The following HCFC2 variants were observed in gnomAD, a reference collection of about 807,000 sequenced individuals.
HCFC2 encodes host cell factor C2.
HCFC2 carries 18 observed loss-of-function variants against 89.2 expected under a neutral mutation model. That is an observed-to-expected ratio of 0.20 (90% CI 0.14 to 0.30). The LOEUF is 0.30. Among genes scored for constraint, HCFC2 ranks in the 10% least tolerant of loss-of-function variants. The pLI is 1.00. For missense variants in HCFC2, 578 were observed against 956.1 expected, an observed-to-expected ratio of 0.60 and a Z score of 5.21; for synonymous variants, 308 against 335.7, an observed-to-expected ratio of 0.92 and a Z score of 0.90.
intron 3 of HCFC2, among the ~76,000 whole-genome samples, chr12:104,078,123 C>G (rs929686178): frequency 2.0e-5 from 3 of 152,020 alleles, no homozygotes; most frequent in African/African-American, 7.3e-5. Context: ...CTCAGCCTCC[C>G]GAGTAGCTGG....
At chr12:104,090,889 G>A (rs1259006802) in intron 9 of HCFC2, 2 of 152,070 alleles carry the variant, frequency 1.3e-5, no homozygotes, top group Non-Finnish European at 2.9e-5. Flanking sequence ...ATGTGGGTGT[G>A]GCTTGTTGCT....
Position 104,086,841 on chromosome 12 carries a change from C to G in HCFC2, c.1064-6C>G, listed in dbSNP as rs1043170538. ...TTAAATGTATAATATCATGATTGTTCTATAGAGAAACCACCGGCACCATCT... is the reference window on the plus strand; with the variant it reads ...TTAAATGTATAATATCATGATTGTTGTATAGAGAAACCACCGGCACCATCT... On this transcript the variant is annotated splice_region_variant and splice_polypyrimidine_tract_variant and intron_variant, in intron 7 of 14. Transcript: ENST00000229330. The G allele has an allele frequency of 6.2e-7, 1 of 1,612,380 alleles. No individual in the cohort carries two copies. Among genetic ancestry groups the G allele is most frequent in the Non-Finnish European group, 8.5e-7 (1 of 1,178,942 alleles).
intron 13 of HCFC2, among the ~76,000 whole-genome samples, chr12:104,099,547 A>T (rs1165595463): frequency 6.6e-6 from 1 of 152,104 alleles, no homozygotes; most frequent in East Asian, 1.9e-4. Flanking sequence ...ACTGCAGTGC[A>T]GTATGATAGC....
At chr12:104,082,398 G>C (rs527317299) in intron 5 of HCFC2, 102 bp from the exon 6 acceptor site, 32 of 703,720 alleles carry the variant, frequency 4.5e-5, no homozygotes, top group Non-Finnish European at 8.1e-5. Context: ...TAGTTCTGAA[G>C]CTCTGAGTCA....
chr12:104,065,203 CA>C (rs1883049812), intron 1 of HCFC2: 1 of 152,536 alleles, frequency 6.6e-6, no homozygotes, highest in Non-Finnish European at 1.5e-5. Context: ...GCCTCAAATA[CA>C]ACCCGGTGTT....
At position 104,095,385 on chromosome 12, in the gene HCFC2, T is replaced by C. The variant is rs1223314556; in HGVS notation, c.1488T>C (p.Gly496=). Residue 496 remains glycine, a synonymous_variant, in exon 11 of 15, where the codon GGT becomes GGC. Coordinates refer to ENST00000229330, the MANE Select transcript of HCFC2 (RefSeq NM_013320.3). This position sits in a 1 kb window ranked among gnomAD's most constrained non-coding sequence, Gnocchi z 4.2. Reference sequence around the variant, plus strand: ...GTCCTCACACTTCAGCAAATGTAGGTGTTCTAAGTAGTTGCCTGGATGTAA... The same window carrying C: ...GTCCTCACACTTCAGCAAATGTAGGCGTTCTAAGTAGTTGCCTGGATGTAA... ...NEGPHTSANV[G]VLSSCLDVRT... The C allele has an allele frequency of 1.2e-6, 2 of 1,613,316 alleles. No individual in the cohort carries two copies. The highest frequency in any genetic ancestry group is 1.3e-5 in the African/African-American group (1 of 74,894).
chr12:104,092,733 C>G (rs1004353405), intron 9 of HCFC2, among the ~76,000 whole-genome samples: 1 of 152,114 alleles, frequency 6.6e-6, no homozygotes, highest in Non-Finnish European at 1.5e-5. Flanking sequence ...GAGATCACAC[C>G]ATTGTACTCC....
At chr12:104,092,061 G>A (rs1284438730) in intron 9 of HCFC2, among the ~76,000 whole-genome samples, 1 of 152,166 alleles carries the variant, frequency 6.6e-6, no homozygotes, top group Non-Finnish European at 1.5e-5. Flanking sequence ...CAGGTAATTA[G>A]AAAGAACAAC....
At chr12:104,081,996 A>G (rs2136609757) in intron 5 of HCFC2, among the ~76,000 whole-genome samples, 1 of 152,190 alleles carries the variant, frequency 6.6e-6, no homozygotes, top group East Asian at 1.9e-4. Flanking sequence ...TTTCTGCCTA[A>G]TGAGCCTTTC....
chr12:104,064,868 C>A lies in HCFC2; in HGVS notation c.163+145C>A. On this transcript the variant is annotated intron_variant, in intron 1 of 14. Transcript: ENST00000229330. The surrounding 1 kb of genome is among the most constrained non-coding windows in gnomAD (Gnocchi z 7.3). ...CGGCGGGGAGCGCGGCTCAGCCGGGCAGCCCGGGTCCGGCAGCTCTGTCCC... is the reference window on the plus strand; with the variant it reads ...CGGCGGGGAGCGCGGCTCAGCCGGGAAGCCCGGGTCCGGCAGCTCTGTCCC... 2 of 669,636 alleles carry A rather than the reference C, an allele frequency of 3.0e-6. No individual in the cohort carries two copies. The highest frequency in any genetic ancestry group is 3.5e-5 in the East Asian group (1 of 28,222). The allele number at this position is 669,636 out of a possible 1,614,324, so 41.5% of individuals were successfully genotyped here.
chr12:104,089,922 TC>T (rs1336359247), intron 9 of HCFC2, among the ~76,000 whole-genome samples: 1 of 152,134 alleles, frequency 6.6e-6, no homozygotes, highest in Non-Finnish European at 1.5e-5. Flanking sequence ...GTTTCTTTTT[TC>T]CCCCCTTGGA....
rs544691109 is a variant in HCFC2 at position 104,076,084 on chromosome 12, C to T, written c.474-3361C>T. 2.6e-4 allele frequency among the ~76,000 whole-genome samples: 40 copies of T among 152,306 alleles called. No individual in the cohort carries two copies. The Middle Eastern group carries it at 0.014, about 52-fold the overall frequency. ...CAATTTTTGTGATTCCATAGGTGCT[C>T]ATTAAGACCATGAGTTCTTGACTGT... On this transcript the variant is annotated intron_variant, in intron 3 of 14. Transcript: ENST00000229330.
At chr12:104,098,527 A>C in intron 13 of HCFC2, 47 bp downstream of exon 13, 1 of 1,512,312 alleles carries the variant, frequency 6.6e-7, no homozygotes, top group Non-Finnish European at 8.9e-7. Flanking sequence ...AGCCTCAAGG[A>C]TGAGATTTTT....
intron 12 of HCFC2, chr12:104,097,742 G>T: frequency 1.9e-6 from 1 of 538,408 alleles, no homozygotes; most frequent in Non-Finnish European, 2.4e-6. Flanking sequence ...GTAGCTTAAG[G>T]TAGAGGAAGT....
intron 13 of HCFC2, among the ~76,000 whole-genome samples, chr12:104,100,111 A>G (rs948656693): frequency 3.3e-5 from 5 of 152,170 alleles, no homozygotes; most frequent in Non-Finnish European, 5.9e-5. Context: ...TTTTACAATT[A>G]AAAGAAATCT....
chr12:104,077,878 G>A (rs1044144184), intron 3 of HCFC2, among the ~76,000 whole-genome samples: 13 of 151,840 alleles, frequency 8.6e-5, no homozygotes, highest in African/African-American at 2.9e-4. Context: ...TAACTTTGTA[G>A]TAAGTTCTTC....
At chr12:104,066,027 C>A in intron 1 of HCFC2, 140 bp from the exon 2 acceptor site, 1 of 788,008 alleles carries the variant, frequency 1.3e-6, no homozygotes, top group Non-Finnish European at 2.1e-6. Context: ...CTAAAAATGT[C>A]ACCAGACATT....
In HCFC2 at chr12:104,067,037, C is replaced by T. The variant is rs181341036; in HGVS notation, c.312+722C>T. Among the ~76,000 whole-genome samples, 285 of 152,314 alleles carry T rather than the reference C, an allele frequency of 1.9e-3. 1 individual carries two copies. Among genetic ancestry groups the T allele is most frequent in the African/African-American group, 6.7e-3 (278 of 41,572 alleles). On this transcript the variant is annotated intron_variant, in intron 2 of 14. Coordinates refer to ENST00000229330, the MANE Select transcript of HCFC2 (RefSeq NM_013320.3). ...TCCTGACCTCAGGTGATCCACCCAC[C>T]TGGGCCTCCCAAAGTGCTGGGATTA...
At chr12:104,087,099 A>C in intron 8 of HCFC2, 85 bp downstream of exon 8, 1 of 1,317,734 alleles carries the variant, frequency 7.6e-7, no homozygotes, top group Non-Finnish European at 1.0e-6. Flanking sequence ...TCACGCCTGT[A>C]ATCCCAGCAC....
Sources: allele counts gnomAD v4.1 joint callset (sites outside exome capture counted in the v4.1 genomes callset), GRCh38; gene constraint gnomAD v4.1.1; non-coding constraint Gnocchi (gnomAD v3.1); transcripts MANE v1.5; gene names NCBI Gene and HGNC (gene_info 2026-07-23, HGNC 2026-07-21).